Variants in AMMECR1 observed in about 807,000 individuals in gnomAD.
AMMECR1 encodes AMMECR nuclear protein 1.
In AMMECR1, 3 loss-of-function variants were observed where a neutral mutation model predicts 22.5. The observed-to-expected ratio is 0.13, with a 90% confidence interval of 0.06 to 0.35. The LOEUF (loss-of-function observed/expected upper bound fraction) is 0.35, where lower values mean the gene tolerates loss of function less well. Ranked by LOEUF, AMMECR1 falls within the 10% of genes least tolerant of loss-of-function variation. AMMECR1 has a pLI of 1.00. For synonymous variants in AMMECR1, 130 were observed against 116.7 expected, an observed-to-expected ratio of 1.11 and a Z score of -0.74; for missense variants, 235 against 278.7, an observed-to-expected ratio of 0.84 and a Z score of 1.12.
intron 1 of AMMECR1, among the ~76,000 whole-genome samples, chrX:110,313,598 G>A (rs1432067237): frequency 4.5e-5 from 5 of 111,673 alleles, no homozygotes; most frequent in African/African-American, 1.6e-4. Context: ...GGAACAAAGG[G>A]GGCTTTACTT....
intron 2 of AMMECR1, among the ~76,000 whole-genome samples, chrX:110,217,913 C>A (rs1266051083): frequency 9.0e-6 from 1 of 110,923 alleles, no homozygotes; most frequent in East Asian, 2.8e-4. Context: ...TCCTGCTATA[C>A]AAAGGAAAAT....
At position 110,313,288 on chromosome X, in the gene AMMECR1, C is replaced by T. The variant is rs139476293; in HGVS notation, c.473+4311G>A. Among the ~76,000 whole-genome samples, 1,019 of 111,946 alleles carry T rather than the reference C, an allele frequency of 9.1e-3. 13 individuals carry two copies. Among genetic ancestry groups the T allele is most frequent in the African/African-American group, 0.031 (947 of 30,786 alleles). ...CATTTTATTAATTGCAATTTAAAACCACACTTACTGATGTACTTTAATAAT... is the reference window on the plus strand; with the variant it reads ...CATTTTATTAATTGCAATTTAAAACTACACTTACTGATGTACTTTAATAAT... On this transcript the variant is annotated intron_variant, in intron 1 of 5. Transcript: ENST00000262844.
intron 1 of AMMECR1, among the ~76,000 whole-genome samples, chrX:110,271,686 T>C (rs2067799297): frequency 8.9e-6 from 1 of 112,062 alleles, no homozygotes; most frequent in Non-Finnish European, 1.9e-5. Flanking sequence ...AAAAAAATAG[T>C]ATTTTTGCAC....
intron 2 of AMMECR1, among the ~76,000 whole-genome samples, chrX:110,394,791 T>C (rs1300401408): frequency 1.8e-5 from 2 of 112,470 alleles, no homozygotes; most frequent in Non-Finnish European, 3.8e-5. Flanking sequence ...AACTGGAAAA[T>C]GGAATCTGTA....
intron 2 of AMMECR1, among the ~76,000 whole-genome samples, chrX:110,357,231 C>T (rs2068235097): frequency 9.0e-6 from 1 of 111,568 alleles, no homozygotes; most frequent in Admixed American, 9.5e-5. Context: ...TTTGGTGGTC[C>T]TCCAAAGTAA....
chrX:110,287,427 T>C (rs1394362534), intron 1 of AMMECR1, among the ~76,000 whole-genome samples: 1 of 112,219 alleles, frequency 8.9e-6, no homozygotes, highest in Middle Eastern at 4.6e-3. Flanking sequence ...GGACATCTAT[T>C]AGACCTCAGA....
At chrX:110,338,251 T>C (rs2068148502) in intron 2 of AMMECR1, among the ~76,000 whole-genome samples, 1 of 112,086 alleles carries the variant, frequency 8.9e-6, no homozygotes, top group Admixed American at 9.4e-5. Flanking sequence ...CAATAAGACA[T>C]TTGAGAAAAA....
At chrX:110,430,582 G>A (rs758259491) in intron 1 of AMMECR1, among the ~76,000 whole-genome samples, 11 of 111,766 alleles carry the variant, frequency 9.8e-5, no homozygotes, top group Non-Finnish European at 2.1e-4. Context: ...AGTGACAGAA[G>A]CAATAGAGTG....
chrX:110,357,062 G>T (rs959118192), intron 2 of AMMECR1, among the ~76,000 whole-genome samples: 1 of 111,524 alleles, frequency 9.0e-6, no homozygotes, highest in Admixed American at 9.5e-5. Context: ...TCATTAGTTT[G>T]AATTTTGCAA....
At chrX:110,255,144 T>C (rs2067704316) in intron 2 of AMMECR1, among the ~76,000 whole-genome samples, 1 of 112,623 alleles carries the variant, frequency 8.9e-6, no homozygotes, top group African/African-American at 3.2e-5. Flanking sequence ...AAAGGGTTTG[T>C]GTATATCACA....
chrX:110,225,807 C>A (rs1235173966), intron 2 of AMMECR1, among the ~76,000 whole-genome samples: 3 of 111,166 alleles, frequency 2.7e-5, no homozygotes, highest in African/African-American at 9.8e-5. Context: ...TTACAATATG[C>A]CTAAAGTGAG....
intron 1 of AMMECR1, among the ~76,000 whole-genome samples, chrX:110,307,807 C>T (rs1356712282): frequency 9.2e-6 from 1 of 108,282 alleles, no homozygotes; most frequent in Non-Finnish European, 1.9e-5. Context: ...CATAGCAGGT[C>T]CTCATATTAT....
intron 2 of AMMECR1, chrX:110,418,977 C>T (rs2068698465): frequency 9.3e-6 from 1 of 107,705 alleles, no homozygotes; most frequent in Non-Finnish European, 1.9e-5. Flanking sequence ...TATGACTCAC[C>T]AACAAAAACG....
intron 2 of AMMECR1, among the ~76,000 whole-genome samples, chrX:110,426,295 C>G (rs1263718001): frequency 8.9e-6 from 1 of 111,894 alleles, no homozygotes; most frequent in East Asian, 2.8e-4. Flanking sequence ...TCTATCATGT[C>G]TCTATCTTGT....
At chrX:110,380,223 A>G (rs1360475457) in intron 2 of AMMECR1, among the ~76,000 whole-genome samples, 1 of 112,154 alleles carries the variant, frequency 8.9e-6, no homozygotes, top group Non-Finnish European at 1.9e-5. Context: ...TGTTAGGGAC[A>G]GAACACAAAA....
At chrX:110,339,421 A>G (rs888963723) in intron 2 of AMMECR1, among the ~76,000 whole-genome samples, 1 of 108,356 alleles carries the variant, frequency 9.2e-6, no homozygotes, top group Non-Finnish European at 1.9e-5. Context: ...AAAAAAAAAA[A>G]AAAACAAAAA....
At position 110,216,595 on chromosome X, in the gene AMMECR1, C is replaced by T; in HGVS notation, c.622G>A (p.Asp208Asn). The change falls in exon 3 of 6, where the codon GAT (aspartate) becomes AAT (asparagine). Residue 208 changes from aspartate to asparagine, a missense_variant. Physicochemically the swap from Asp to Asn is conservative, Grantham distance 23 (BLOSUM62 1). Coordinates refer to ENST00000262844, the MANE Select transcript of AMMECR1 (RefSeq NM_015365.3). ...KDSRFPPMTR[D>N]ELPRLFCSVS... ...GAGCAGAAAAGCCGTGGCAGCTCATCCCTTGTCATTGGGGGAAAACGGCTA... is the reference window on the plus strand; with the variant it reads ...GAGCAGAAAAGCCGTGGCAGCTCATTCCTTGTCATTGGGGGAAAACGGCTA... 1 of 1,207,769 alleles carries T rather than the reference C, an allele frequency of 8.3e-7. No homozygotes were observed. The highest frequency in any genetic ancestry group is 1.1e-6 in the Non-Finnish European group (1 of 892,534).
At chrX:110,272,465 C>G (rs1474633755) in intron 1 of AMMECR1, among the ~76,000 whole-genome samples, 1 of 111,474 alleles carries the variant, frequency 9.0e-6, no homozygotes, top group Non-Finnish European at 1.9e-5. Context: ...TCAGGGAATT[C>G]GTAACACTTC....
chrX:110,316,423 C>A (rs757010430), intron 1 of AMMECR1, among the ~76,000 whole-genome samples: 2 of 111,156 alleles, frequency 1.8e-5, no homozygotes, highest in East Asian at 5.6e-4. Context: ...CCTTTCAGTA[C>A]GAGTTTCACT....
Sources: gnomAD v4.1 joint callset for allele counts (sites outside exome capture counted in the v4.1 genomes callset) on GRCh38, gnomAD v4.1.1 for gene constraint, MANE v1.5 for transcripts, NCBI Gene and HGNC (gene_info 2026-07-23, HGNC 2026-07-21) for gene names.